The following L2HGDH variants were observed in gnomAD, a reference collection of about 807,000 sequenced individuals.
The protein encoded by L2HGDH is L-2-hydroxyglutarate dehydrogenase.
A neutral mutation model predicts 51.5 loss-of-function variants in L2HGDH; 34 were observed. The observed-to-expected ratio is 0.66, with a 90% confidence interval of 0.50 to 0.88. L2HGDH has a LOEUF of 0.88. Ranked by LOEUF, L2HGDH falls within the 40% of genes least tolerant of loss-of-function variation. The pLI, the probability that L2HGDH is intolerant of heterozygous loss-of-function variation, is 0.00. For missense variants in L2HGDH, 558 were observed against 571.9 expected, an observed-to-expected ratio of 0.98 and a Z score of 0.25; for synonymous variants, 198 against 197.9, an observed-to-expected ratio of 1.00 and a Z score of -0.01.
chr14:50,301,258 T>G, intron 3 of L2HGDH, among the ~76,000 whole-genome samples: 1 of 152,162 alleles, frequency 6.6e-6, no homozygotes, highest in Non-Finnish European at 1.5e-5. Flanking sequence ...GGAAAACAAT[T>G]TGGCAGTTCC....
rs114467011 is a variant in L2HGDH at position 50,251,817 on chromosome 14, A to C, written c.1197-4564T>G. ...TGAAGGAGAAATACTTTCCCAGACAAAGTTGAGGGATTTCATCAACACTAG... is the reference window on the plus strand; with the variant it reads ...TGAAGGAGAAATACTTTCCCAGACACAGTTGAGGGATTTCATCAACACTAG... On this transcript the variant is annotated intron_variant, in intron 9 of 9. Coordinates refer to ENST00000267436, the MANE Select transcript of L2HGDH (RefSeq NM_024884.3). 1.8e-3 allele frequency among the ~76,000 whole-genome samples: 276 copies of C among 152,208 alleles called. 2 individuals carry two copies. The highest frequency in any genetic ancestry group is 6.4e-3 in the African/African-American group (266 of 41,560).
chr14:50,249,986 C>G (rs1467662734), intron 9 of L2HGDH, among the ~76,000 whole-genome samples: 2 of 149,582 alleles, frequency 1.3e-5, no homozygotes, highest in Non-Finnish European at 3.0e-5. Context: ...ACTGCAACCT[C>G]CACCTCCTGG....
At chr14:50,280,272 T>C (rs1056032338) in intron 5 of L2HGDH, among the ~76,000 whole-genome samples, 6 of 151,012 alleles carry the variant, frequency 4.0e-5, no homozygotes, top group Admixed American at 4.0e-4. Flanking sequence ...ATTCCAGCAA[T>C]TCTCCTGCCT....
intron 3 of L2HGDH, among the ~76,000 whole-genome samples, chr14:50,296,404 T>C (rs2030056968): frequency 7.6e-6 from 1 of 132,096 alleles, no homozygotes; most frequent in Non-Finnish European, 1.6e-5. Context: ...AAAACTTATA[T>C]GAAGGACATG....
chr14:50,283,792 G>A, intron 5 of L2HGDH, 79 bp downstream of exon 5: 2 of 1,186,960 alleles, frequency 1.7e-6, no homozygotes, highest in Non-Finnish European at 2.5e-6. Context: ...TTCATCCTCA[G>A]TTGGTTAAAA....
chr14:50,269,080 G>T, intron 7 of L2HGDH, 83 bp downstream of exon 7: 65 of 1,118,408 alleles, frequency 5.8e-5, no homozygotes, highest in Non-Finnish European at 8.5e-5. Flanking sequence ...TCTTATTTCT[G>T]ACCCAAGTGA....
chr14:50,295,265 C>G (rs2029961736), intron 3 of L2HGDH, among the ~76,000 whole-genome samples: 1 of 152,176 alleles, frequency 6.6e-6, no homozygotes, highest in Non-Finnish European at 1.5e-5. Context: ...ATCCAAGCTA[C>G]TTCAAAGGCT....
At chr14:50,261,840 A>C (rs1280716266) in intron 9 of L2HGDH, among the ~76,000 whole-genome samples, 1 of 152,148 alleles carries the variant, frequency 6.6e-6, no homozygotes, top group Non-Finnish European at 1.5e-5. Flanking sequence ...AGTTTATCTA[A>C]TGCAAATATT....
At chr14:50,291,130 G>A (rs112703335) in intron 4 of L2HGDH, among the ~76,000 whole-genome samples, 2,969 of 145,638 alleles carry the variant, frequency 0.02, 84 homozygotes, top group African/African-American at 0.061. Context: ...CCAGGGAGAC[G>A]GAGGTTGCAG....
intron 5 of L2HGDH, among the ~76,000 whole-genome samples, chr14:50,282,692 G>A (rs1260323998): frequency 1.3e-5 from 2 of 152,060 alleles, no homozygotes; most frequent in East Asian, 1.9e-4. Context: ...ACCCTGCCAC[G>A]GAGAATTGTA....
At chr14:50,302,862 C>T in intron 2 of L2HGDH, 40 bp downstream of exon 2, 1 of 1,313,562 alleles carries the variant, frequency 7.6e-7, no homozygotes, top group Non-Finnish European at 1.1e-6. Flanking sequence ...TGAGCAGATG[C>T]CCAAGTAAGC....
At chr14:50,283,623 A>C (rs1890397599) in intron 5 of L2HGDH, among the ~76,000 whole-genome samples, 1 of 152,254 alleles carries the variant, frequency 6.6e-6, no homozygotes, top group Admixed American at 6.5e-5. Flanking sequence ...TAACATTTGC[A>C]CATAACCTAT....
At chr14:50,288,114 G>A (rs1890664075) in intron 4 of L2HGDH, among the ~76,000 whole-genome samples, 1 of 152,100 alleles carries the variant, frequency 6.6e-6, no homozygotes, top group African/African-American at 2.4e-5. Flanking sequence ...ATTTCTTTGT[G>A]TTGTAAAAAT....
At chr14:50,304,618 G>C (rs951292697) in intron 1 of L2HGDH, among the ~76,000 whole-genome samples, 3 of 152,194 alleles carry the variant, frequency 2.0e-5, no homozygotes, top group African/African-American at 7.2e-5. Context: ...GGCAGATCAC[G>C]AGGCCAGGAG....
intron 6 of L2HGDH, among the ~76,000 whole-genome samples, chr14:50,271,718 T>A (rs1225274295): frequency 1.3e-5 from 2 of 151,902 alleles, no homozygotes; most frequent in South Asian, 2.1e-4. Context: ...AAAAAATAAA[T>A]AAATAAAAAG....
intron 4 of L2HGDH, among the ~76,000 whole-genome samples, chr14:50,286,550 T>C (rs1439188355): frequency 6.6e-6 from 1 of 152,220 alleles, no homozygotes; most frequent in East Asian, 1.9e-4. Flanking sequence ...ATGGGCATTT[T>C]ACCCAATATT....
In L2HGDH at chr14:50,242,443, G is replaced by A; in HGVS notation, c.*4615C>T. The A allele has an allele frequency of 1.0e-6, 1 of 982,692 alleles. No individual in the cohort carries two copies. Among genetic ancestry groups the A allele is most frequent in the Non-Finnish European group, 1.2e-6 (1 of 827,508 alleles). 60.9% of individuals were successfully genotyped at this position (982,692 alleles called of 1,614,324 possible). A position where few individuals can be genotyped will look rare whatever the true frequency, so the allele number is the denominator to read the frequency against. Reference sequence around the variant, plus strand: ...CAGGGACAAAAGAAACTTAAAATAAGATAACTTTAATGTGAGATCCTTCCC... The same window carrying A: ...CAGGGACAAAAGAAACTTAAAATAAAATAACTTTAATGTGAGATCCTTCCC... On this transcript the variant is annotated 3_prime_UTR_variant, in exon 10 of 10. Coordinates refer to ENST00000267436, the MANE Select transcript of L2HGDH (RefSeq NM_024884.3).
At chr14:50,286,961 A>G (rs1025735319) in intron 4 of L2HGDH, among the ~76,000 whole-genome samples, 2 of 152,202 alleles carry the variant, frequency 1.3e-5, no homozygotes, top group Middle Eastern at 3.2e-3. Context: ...ATCTATCTAC[A>G]GTGCCTAACA....
intron 5 of L2HGDH, among the ~76,000 whole-genome samples, chr14:50,280,079 AAG>A (rs1448698107): frequency 1.3e-5 from 2 of 151,632 alleles, no homozygotes; most frequent in African/African-American, 4.8e-5. Flanking sequence ...AAAAAAAAAA[AAG>A]AAATATACAA....
Sources: allele counts gnomAD v4.1 joint callset (sites outside exome capture counted in the v4.1 genomes callset), GRCh38; gene constraint gnomAD v4.1.1; transcripts MANE v1.5; gene names NCBI Gene and HGNC (gene_info 2026-07-23, HGNC 2026-07-21).